The following ACAP2 variants were observed in gnomAD, a reference collection of about 807,000 sequenced individuals.
ACAP2 encodes the protein arf-GAP with coiled-coil, ANK repeat and PH domain-containing protein 2.
A neutral mutation model predicts 115.8 loss-of-function variants in ACAP2; 39 were observed. That is an observed-to-expected ratio of 0.34 (90% CI 0.26 to 0.44). The LOEUF (loss-of-function observed/expected upper bound fraction) is 0.44. Among genes scored for constraint, ACAP2 ranks in the 20% least tolerant of loss-of-function variants. The pLI is 1.00. For missense variants in ACAP2, 662 were observed against 927.6 expected (o/e 0.71, Z 3.72); for synonymous variants, 289 against 315.8 (o/e 0.92, Z 0.90).
At chr3:195,327,468 T>C (rs573482521) in intron 8 of ACAP2, among the ~76,000 whole-genome samples, 1 of 152,256 alleles carries the variant, frequency 6.6e-6, no homozygotes, top group South Asian at 2.1e-4. Flanking sequence ...TGTTTTCAGG[T>C]TGGCTCCCTA....
At chr3:195,368,518 T>C (rs1268897063) in intron 4 of ACAP2, among the ~76,000 whole-genome samples, 1 of 152,194 alleles carries the variant, frequency 6.6e-6, no homozygotes, top group Non-Finnish European at 1.5e-5. Context: ...GCATTCCCAT[T>C]TGAATCATCC....
intron 4 of ACAP2, among the ~76,000 whole-genome samples, chr3:195,367,667 T>G (rs1198007266): frequency 6.6e-6 from 1 of 152,150 alleles, no homozygotes; most frequent in African/African-American, 2.4e-5. Flanking sequence ...GGCCCAGGCT[T>G]TAAGGGACCA....
Position 195,442,774 on chromosome 3 carries a change from C to G in ACAP2, c.53+21G>C, listed in dbSNP as rs531671493. ...CCGGGAAGGCAGCTCCGCGGTGACGCCGGGCGGCCGTGCCGGTTACCTGAA... is the reference window on the plus strand; with the variant it reads ...CCGGGAAGGCAGCTCCGCGGTGACGGCGGGCGGCCGTGCCGGTTACCTGAA... On this transcript the variant is annotated intron_variant, in intron 1 of 22. Coordinates refer to ENST00000326793, the MANE Select transcript of ACAP2 (RefSeq NM_012287.6). 16 of 1,527,682 alleles carry G rather than the reference C, an allele frequency of 1.0e-5. No individual in the cohort carries two copies. The African/African-American group carries it at 2.3e-4, about 22-fold the overall frequency. 94.6% of individuals were successfully genotyped at this position (1,527,682 alleles called of 1,614,324 possible).
At chr3:195,428,349 C>T (rs9879071) in intron 1 of ACAP2, among the ~76,000 whole-genome samples, 60,819 of 109,634 alleles carry the variant, frequency 0.55, 13,257 homozygotes, top group African/African-American at 0.68. Flanking sequence ...TATATATATA[C>T]ACACACACAC....
chr3:195,381,993 A>G lies in ACAP2; in HGVS notation c.141T>C (p.Asp47=). Reference sequence around the variant, plus strand: ...TTGCAACACAAAAGGCTTTTCCAGTATCAATCATTGCAATACAAAGTTTCA... The same window carrying G: ...TTGCAACACAAAAGGCTTTTCCAGTGTCAATCATTGCAATACAAAGTTTCA... ...KLVKLCIAMI[D]TGKAFCVANK... is the part of the protein sequence containing the mutation. The change falls in exon 3 of 23, where the codon GAT becomes GAC. Residue 47 remains aspartate (D), a synonymous_variant. Coordinates refer to ENST00000326793, the MANE Select transcript of ACAP2 (RefSeq NM_012287.6). The G allele has an allele frequency of 6.2e-7, 1 of 1,609,560 alleles. No individual in the cohort carries two copies. The highest frequency in any genetic ancestry group is 1.3e-5 in the African/African-American group (1 of 74,654).
rs1481569064 is a variant in ACAP2, at chr3:195,380,976, T to C, written c.285+33A>G. On this transcript the variant is annotated intron_variant, in intron 4 of 22. Transcript: ENST00000326793. ...CAAGAAAAATACTAAAATGTTAATA[T>C]GGTCATAGTAACACCTACTTACTGA... is the stretch of plus-strand genomic sequence containing the variant. The C allele has an allele frequency of 3.3e-6, 5 of 1,534,790 alleles. 1 individual carries two copies. In the South Asian group the frequency reaches 4.8e-5, roughly 15 times the overall value.
At chr3:195,345,995 A>AAAT (rs1731165849) in intron 4 of ACAP2, among the ~76,000 whole-genome samples, 1 of 152,154 alleles carries the variant, frequency 6.6e-6, no homozygotes, top group African/African-American at 2.4e-5. Flanking sequence ...TCAGAGTTTG[A>AAAT]AATAAAGTTA....
Position 195,328,950 on chromosome 3 carries a change from G to A in ACAP2, c.670-1991C>T, listed in dbSNP as rs191378757. ...AAACAATTAGCCGGGCGTGGTGGCGGGCGCCTGTGGTCCCAGCTACTCGGG... is the reference window on the plus strand; with the variant it reads ...AAACAATTAGCCGGGCGTGGTGGCGAGCGCCTGTGGTCCCAGCTACTCGGG... On this transcript the variant is annotated intron_variant, in intron 8 of 22. Transcript: ENST00000326793. 9.9e-4 allele frequency among the ~76,000 whole-genome samples: 150 copies of A among 151,928 alleles called. 2 individuals are homozygous for A. In the East Asian group the frequency reaches 0.028, roughly 28 times the overall value.
At chr3:195,376,266 T>C (rs4677835) in intron 4 of ACAP2, among the ~76,000 whole-genome samples, 76,670 of 151,734 alleles carry the variant, frequency 0.51, 20,277 homozygotes, top group East Asian at 0.87. Flanking sequence ...TGGTGGTGGG[T>C]GCCTGTAGTC....
At chr3:195,352,701 T>G (rs112997037) in intron 4 of ACAP2, among the ~76,000 whole-genome samples, 290 of 152,346 alleles carry the variant, frequency 1.9e-3, no homozygotes, top group African/African-American at 6.6e-3. Flanking sequence ...CCCAATTCTT[T>G]GCTCTTTGAG....
Position 195,302,194 on chromosome 3 carries a change from C to A in ACAP2, c.1117-20G>T. On this transcript the variant is annotated intron_variant, in intron 13 of 22. Coordinates refer to ENST00000326793, the MANE Select transcript of ACAP2 (RefSeq NM_012287.6). Reference sequence around the variant, plus strand: ...CAGCTTCTAAAAGAATTAAGAATTACTTGTTTTTAAAAAAAAAAAAGATTG... The same window carrying A: ...CAGCTTCTAAAAGAATTAAGAATTAATTGTTTTTAAAAAAAAAAAAGATTG... 2 of 1,566,238 alleles carry A rather than the reference C, an allele frequency of 1.3e-6. No individual in the cohort carries two copies. The highest frequency in any genetic ancestry group is 1.7e-6 in the Non-Finnish European group (2 of 1,156,614).
chr3:195,378,739 T>TAC (rs1361810113), intron 4 of ACAP2, among the ~76,000 whole-genome samples: 1 of 151,120 alleles, frequency 6.6e-6, no homozygotes, highest in African/African-American at 2.4e-5. Flanking sequence ...TACATGCCTG[T>TAC]AGCCCCAGCA....
intron 4 of ACAP2, among the ~76,000 whole-genome samples, chr3:195,378,717 C>T (rs57760978): frequency 0.28 from 41,831 of 151,420 alleles, 6,533 homozygotes; most frequent in East Asian, 0.71. Flanking sequence ...AAAAATTAGC[C>T]AGGCATGGTG....
At chr3:195,420,171 TTA>T (rs886170918) in intron 1 of ACAP2, among the ~76,000 whole-genome samples, 5 of 152,292 alleles carry the variant, frequency 3.3e-5, no homozygotes, top group African/African-American at 7.2e-5. Context: ...CCTATAAATT[TTA>T]TGTTAATTTC....
rs764992747 is a variant in ACAP2 at position 195,308,783 on chromosome 3, T to C, written c.909+3A>G. On this transcript the variant is annotated splice_donor_region_variant and intron_variant, in intron 11 of 22. Coordinates refer to ENST00000326793, the MANE Select transcript of ACAP2 (RefSeq NM_012287.6). The stretch of plus-strand genomic sequence containing the variant: ...CACTGGGGTTTCATTTATTAACACC[T>C]ACCTTAAATTTTTTCTGGTAAACCA... The C allele has an allele frequency of 2.5e-6, 4 of 1,609,316 alleles. No individual in the cohort carries two copies. Among genetic ancestry groups the C allele is most frequent in the Admixed American group, 1.7e-5 (1 of 59,176 alleles).
rs538723840 is a variant in ACAP2 at position 195,390,394 on chromosome 3, T to C, written c.111+1696A>G. The stretch of plus-strand genomic sequence containing the variant: ...ATATATTACAGGGCTTTAAAAATTA[T>C]ACAGTACTATACAAAAATAACTTAT... On this transcript the variant is annotated intron_variant, in intron 2 of 22. Transcript: ENST00000326793. 7.2e-5 allele frequency among the ~76,000 whole-genome samples: 11 copies of C among 152,316 alleles called. No individual in the cohort carries two copies. In the East Asian group the frequency reaches 2.1e-3, roughly 29 times the overall value.
intron 4 of ACAP2, among the ~76,000 whole-genome samples, chr3:195,380,179 T>A (rs1050879075): frequency 1.3e-5 from 2 of 152,156 alleles, no homozygotes; most frequent in African/African-American, 4.8e-5. Flanking sequence ...CTCAAGCAGA[T>A]ACTTGTACAT....
chr3:195,427,994 TAC>T (rs76496976), intron 1 of ACAP2, among the ~76,000 whole-genome samples: 41,113 of 150,460 alleles, frequency 0.27, 6,548 homozygotes, highest in East Asian at 0.81. Context: ...TATATATATA[TAC>T]ACACACACGT....
At chr3:195,340,960 T>C (rs1730826936) in intron 6 of ACAP2, among the ~76,000 whole-genome samples, 1 of 152,220 alleles carries the variant, frequency 6.6e-6, no homozygotes, top group South Asian at 2.1e-4. Context: ...TTTCTATTGT[T>C]TTGCCAAGTT....
Sources: allele counts gnomAD v4.1 joint callset (sites outside exome capture counted in the v4.1 genomes callset), GRCh38; gene constraint gnomAD v4.1.1; transcripts MANE v1.5; gene names NCBI Gene and HGNC (gene_info 2026-07-23, HGNC 2026-07-21).